Variants in RALYL observed in about 807,000 individuals in gnomAD.
RALYL encodes RNA-binding Raly-like protein.
Under a neutral mutation model 35.1 loss-of-function variants are expected in RALYL, and 29 were observed. The observed-to-expected ratio is 0.83, with a 90% CI of 0.61 to 1.13. The LOEUF is 1.13. RALYL is among the 50% of genes most tolerant of loss of function. RALYL has a pLI of 0.00. For missense variants in RALYL, 359 were observed against 360.4 expected (o/e 1.00, Z 0.03); for synonymous variants, 120 against 127.6 (o/e 0.94, Z 0.40).
chr8:84,466,988 A>G (rs920866497), intron 1 of RALYL, among the ~76,000 whole-genome samples: 57 of 151,950 alleles, frequency 3.8e-4, no homozygotes, highest in Non-Finnish European at 6.9e-4. Flanking sequence ...CGGTGGTGAT[A>G]TCCCCTTTAT....
At chr8:84,701,383 C>T (rs1840163233) in intron 2 of RALYL, among the ~76,000 whole-genome samples, 1 of 152,128 alleles carries the variant, frequency 6.6e-6, no homozygotes, top group Admixed American at 6.5e-5. Context: ...AACTTTGCTG[C>T]ATCTTTTCGG....
At chr8:84,683,893 C>G (rs1836196466) in intron 2 of RALYL, among the ~76,000 whole-genome samples, 1 of 152,064 alleles carries the variant, frequency 6.6e-6, no homozygotes, top group African/African-American at 2.4e-5. Context: ...ACTATATTAG[C>G]CAGACTGATC....
rs573529094 is a variant in RALYL, at chr8:84,671,419, G to A, written c.257-103160G>A. Among the ~76,000 whole-genome samples, 221 of 152,288 alleles carry A rather than the reference G, an allele frequency of 1.5e-3. 8 individuals carry two copies. The South Asian group carries it at 0.035, about 24-fold the overall frequency. ...CAGTGCCCCAGTGGGGACTGTGGGC[G>A]TAGGGAGCTCTAACCCCACATTTGC... On this transcript the variant is annotated intron_variant, in intron 2 of 8. Transcript: ENST00000521268.
intron 1 of RALYL, among the ~76,000 whole-genome samples, chr8:84,459,655 TGA>T (rs1365391158): frequency 1.3e-5 from 2 of 151,732 alleles, no homozygotes. Flanking sequence ...GACAGTGGAT[TGA>T]GAGAGTTTCT....
At chr8:84,439,900 G>A (rs549073405) in intron 1 of RALYL, among the ~76,000 whole-genome samples, 4 of 152,074 alleles carry the variant, frequency 2.6e-5, no homozygotes, top group Non-Finnish European at 4.4e-5. Flanking sequence ...CATGCATGTC[G>A]GTAATCTTCA....
At chr8:84,263,292 C>G (rs776929853) in intron 1 of RALYL, among the ~76,000 whole-genome samples, 1 of 152,130 alleles carries the variant, frequency 6.6e-6, no homozygotes, top group African/African-American at 2.4e-5. Context: ...AACCATAGAA[C>G]AGTTGTCTGT....
At chr8:84,728,243 CGT>C (rs1456493517) in intron 2 of RALYL, among the ~76,000 whole-genome samples, 8 of 151,898 alleles carry the variant, frequency 5.3e-5, no homozygotes, top group Admixed American at 5.3e-4. Context: ...AGCATTTTTT[CGT>C]GTGTTTTTTG....
chr8:84,501,720 C>T (rs1415913997), intron 1 of RALYL, among the ~76,000 whole-genome samples: 1 of 151,460 alleles, frequency 6.6e-6, no homozygotes, highest in Non-Finnish European at 1.5e-5. Flanking sequence ...GTCTCTTTCT[C>T]TTAGGAAATA....
chr8:84,823,344 G>C (rs922089165), intron 4 of RALYL, among the ~76,000 whole-genome samples: 26 of 152,086 alleles, frequency 1.7e-4, no homozygotes, highest in African/African-American at 6.0e-4. Context: ...ATTCTAATCT[G>C]CTGAAGAAGA....
Position 84,873,313 on chromosome 8 carries a change from A to G in RALYL, c.601A>G (p.Lys201Glu). The change falls in exon 7 of 9, where the codon AAA (lysine) becomes GAA (glutamate). Residue 201 changes from lysine to glutamate, a missense_variant. Coordinates refer to ENST00000521268, the MANE Select transcript of RALYL (RefSeq NM_173848.7). ...LKSDELQTIK[K>E]ELTQIKTKID... ...ATCAGATGAGTTACAGACCATCAAG[A>G]AAGAATTAACCCAGATCAAAACTAA... 1 of 1,597,422 alleles carries G rather than the reference A, an allele frequency of 6.3e-7. No individual in the cohort carries two copies.
At chr8:84,470,284 A>G (rs565626235) in intron 1 of RALYL, among the ~76,000 whole-genome samples, 3 of 152,308 alleles carry the variant, frequency 2.0e-5, no homozygotes, top group Admixed American at 2.0e-4. Flanking sequence ...TAAGGCCTAC[A>G]CTATCATTTT....
intron 1 of RALYL, among the ~76,000 whole-genome samples, chr8:84,462,157 G>A: frequency 6.6e-6 from 1 of 151,022 alleles, no homozygotes; most frequent in East Asian, 1.9e-4. Flanking sequence ...CCATTCTAAG[G>A]TGTGTAGTGA....
intron 2 of RALYL, chr8:84,665,640 A>G (rs1831858428): frequency 6.6e-6 from 1 of 152,010 alleles, no homozygotes. Context: ...TTTCTGTGGC[A>G]TTAGTCGTGA....
chr8:84,709,220 A>T (rs1389647691), intron 2 of RALYL, among the ~76,000 whole-genome samples: 1 of 152,064 alleles, frequency 6.6e-6, no homozygotes, highest in Non-Finnish European at 1.5e-5. Context: ...TCTAACCCTC[A>T]TTGCCTCCAT....
At chr8:84,320,800 T>C (rs1310378821) in intron 1 of RALYL, among the ~76,000 whole-genome samples, 1 of 152,096 alleles carries the variant, frequency 6.6e-6, no homozygotes, top group Non-Finnish European at 1.5e-5. Context: ...AACTAAAATA[T>C]AGTTTTAGAT....
intron 8 of RALYL, among the ~76,000 whole-genome samples, chr8:84,903,013 G>A (rs998002054): frequency 6.6e-6 from 1 of 152,100 alleles, no homozygotes; most frequent in African/African-American, 2.4e-5. Flanking sequence ...GGGCCTAGGA[G>A]TTTGAGACCA....
chr8:84,688,078 A>G (rs1837206490), intron 2 of RALYL, among the ~76,000 whole-genome samples: 1 of 152,050 alleles, frequency 6.6e-6, no homozygotes, highest in Non-Finnish European at 1.5e-5. Context: ...TTCCTCCCCC[A>G]ATTGCCATTG....
chr8:84,721,361 A>G (rs527863616), intron 2 of RALYL, among the ~76,000 whole-genome samples: 3 of 152,258 alleles, frequency 2.0e-5, no homozygotes, highest in African/African-American at 7.2e-5. Context: ...ACTGTTCACA[A>G]TGGCCCAAGA....
intron 3 of RALYL, among the ~76,000 whole-genome samples, chr8:84,789,256 G>C (rs193274359): frequency 3.3e-5 from 5 of 152,304 alleles, no homozygotes; most frequent in Admixed American, 3.3e-4. Context: ...AGCTGAGTTT[G>C]AAAAGGAAAC....
Sources: allele counts gnomAD v4.1 joint callset (sites outside exome capture counted in the v4.1 genomes callset), GRCh38; gene constraint gnomAD v4.1.1; transcripts MANE v1.5; gene names NCBI Gene and HGNC (gene_info 2026-07-23, HGNC 2026-07-21).